CNTN1: variants seen among roughly 807,000 people sequenced by gnomAD.
CNTN1 encodes contactin 1.
A neutral mutation model predicts 126.4 loss-of-function variants in CNTN1; 38 were observed. That is an observed-to-expected ratio of 0.30 (90% CI 0.23 to 0.39). CNTN1 has a LOEUF of 0.39. Among genes scored for constraint, CNTN1 ranks in the 10% least tolerant of loss-of-function variants. CNTN1 has a pLI of 1.00. For missense variants in CNTN1, 1,009 were observed against 1,248.4 expected (o/e 0.81, Z 2.89); for synonymous variants, 413 against 422.6 (o/e 0.98, Z 0.28).
intron 15 of CNTN1, among the ~76,000 whole-genome samples, chr12:40,969,111 C>T (rs368901948): frequency 3.0e-4 from 45 of 152,210 alleles, no homozygotes; most frequent in African/African-American, 8.4e-4. Context: ...AACTTAACGA[C>T]GTAAAATCCC....
intron 1 of CNTN1, among the ~76,000 whole-genome samples, chr12:40,746,401 A>G (rs1007897620): frequency 2.2e-4 from 34 of 152,132 alleles, no homozygotes; most frequent in African/African-American, 7.5e-4. Flanking sequence ...CAGCAATCTC[A>G]ATTCTTGCCT....
intron 3 of CNTN1, among the ~76,000 whole-genome samples, chr12:40,917,325 A>G (rs1945282079): frequency 6.6e-6 from 1 of 152,092 alleles, no homozygotes; most frequent in African/African-American, 2.4e-5. Context: ...AGCTAGGTAC[A>G]TTGCCATCTT....
intron 23 of CNTN1, among the ~76,000 whole-genome samples, chr12:41,032,354 C>A (rs112642209): frequency 7.2e-6 from 1 of 139,174 alleles, no homozygotes; most frequent in African/African-American, 2.8e-5. Context: ...GGCGACAGAG[C>A]GAGACTCCGT....
rs186051425 is a variant in CNTN1, at chr12:40,790,814, T to C, written c.-77+98222T>C. The stretch of plus-strand genomic sequence containing the variant: ...GTTTCTGAAGCCCCTTTAAAAATTC[T>C]TTCCATGTTAAAAAATCCCCCAAAA... On this transcript the variant is annotated intron_variant, in intron 1 of 23. Coordinates refer to ENST00000551295, the MANE Select transcript of CNTN1 (RefSeq NM_001843.4). Among the ~76,000 whole-genome samples the C allele has an allele frequency of 1.3e-3, 200 of 152,268 alleles. 1 individual carries two copies. The highest frequency in any genetic ancestry group is 4.6e-3 in the African/African-American group (190 of 41,572).
intron 1 of CNTN1, among the ~76,000 whole-genome samples, chr12:40,900,037 A>G (rs1317631137): frequency 6.6e-6 from 1 of 152,148 alleles, no homozygotes; most frequent in African/African-American, 2.4e-5. Context: ...AGAGCAATCC[A>G]TGTAATCCCT....
At chr12:40,890,182 AT>A (rs1017385538) in intron 1 of CNTN1, among the ~76,000 whole-genome samples, 19 of 151,992 alleles carry the variant, frequency 1.3e-4, no homozygotes, top group African/African-American at 3.4e-4. Flanking sequence ...TAATTTTGTT[AT>A]TTTTTAATAG....
chr12:40,803,844 G>A (rs1035336302), intron 1 of CNTN1, among the ~76,000 whole-genome samples: 4 of 151,532 alleles, frequency 2.6e-5, no homozygotes, highest in African/African-American at 9.7e-5. Flanking sequence ...GAGAAGATAG[G>A]GGAGATAACT....
Position 40,709,182 on chromosome 12 carries a change from C to T in CNTN1, c.-77+16590C>T, listed in dbSNP as rs534798048. Among the ~76,000 whole-genome samples, 7 of 152,286 alleles carry T rather than the reference C, an allele frequency of 4.6e-5. No homozygotes were observed. In the East Asian group the frequency reaches 1.3e-3, roughly 29 times the overall value. On this transcript the variant is annotated intron_variant, in intron 1 of 23. Coordinates refer to ENST00000551295, the MANE Select transcript of CNTN1 (RefSeq NM_001843.4). ...GGCTGCAGAATGGATGTTATGTTAG[C>T]AGTCATGAAAATAACAGCAGTCTCT...
rs772956424 is a variant in CNTN1 at position 40,959,183 on chromosome 12, G to A, written c.1753G>A (p.Ala585Thr). The change falls in exon 15 of 24, where the codon GCC becomes ACC. Residue 585 changes from alanine to threonine, a missense_variant. Coordinates refer to ENST00000551295, the MANE Select transcript of CNTN1 (RefSeq NM_001843.4). ...LKHAGRYTCT[A>T]QTIVDNSSAS... ...ACATGCTGGAAGATACACATGCACT[G>A]CCCAGACAATTGTGGACAATTCTTC... 6.2e-7 allele frequency: 1 copy of A among 1,612,790 alleles called. No homozygotes were observed. Among genetic ancestry groups the A allele is most frequent in the Non-Finnish European group, 8.5e-7 (1 of 1,179,180 alleles).
In CNTN1 at chr12:41,016,919, A is replaced by G. The variant is rs772016350; in HGVS notation, c.2419+3A>G. 2.8e-5 allele frequency: 45 copies of G among 1,611,112 alleles called. No individual in the cohort carries two copies. The South Asian group carries it at 4.7e-4, about 17-fold the overall frequency. ...AGTCATTAATTCAGCACAAGACGGT[A>G]GGTGAAAGAAAGACCTTCTTACCTG... On this transcript the variant is annotated splice_donor_region_variant and intron_variant, in intron 19 of 23. Coordinates refer to ENST00000551295, the MANE Select transcript of CNTN1 (RefSeq NM_001843.4).
At chr12:40,891,481 C>T (rs914941966) in intron 1 of CNTN1, among the ~76,000 whole-genome samples, 8 of 152,138 alleles carry the variant, frequency 5.3e-5, no homozygotes, top group African/African-American at 1.9e-4. Flanking sequence ...TACCTACTTT[C>T]TCCTAGGTTA....
intron 1 of CNTN1, among the ~76,000 whole-genome samples, chr12:40,802,098 G>A (rs746353130): frequency 4.6e-5 from 7 of 151,926 alleles, no homozygotes; most frequent in Non-Finnish European, 1.0e-4. Context: ...AGGAAGACCA[G>A]ATTTTGGGAA....
intron 4 of CNTN1, among the ~76,000 whole-genome samples, chr12:40,921,479 C>T (rs767333932): frequency 4.6e-5 from 7 of 152,142 alleles, no homozygotes; most frequent in Non-Finnish European, 8.8e-5. Context: ...AAAGTTAGAT[C>T]CCTGTTTCCA....
intron 1 of CNTN1, among the ~76,000 whole-genome samples, chr12:40,884,660 T>C (rs1490283181): frequency 6.6e-6 from 1 of 151,540 alleles, no homozygotes; most frequent in Non-Finnish European, 1.5e-5. Context: ...AAAATATATA[T>C]ACAGCATTAA....
chr12:41,019,306 A>G (rs1299877170), intron 19 of CNTN1, among the ~76,000 whole-genome samples: 1 of 152,242 alleles, frequency 6.6e-6, no homozygotes. Flanking sequence ...ATGCTAAAAT[A>G]AGTTTTCAGG....
At chr12:41,011,316 T>C (rs751410974) in intron 17 of CNTN1, among the ~76,000 whole-genome samples, 4 of 152,230 alleles carry the variant, frequency 2.6e-5, no homozygotes, top group Non-Finnish European at 4.4e-5. Flanking sequence ...AAGAAGGCCA[T>C]GCCCTTGTGC....
At chr12:40,964,525 A>AGTGTGG (rs1947230018) in intron 15 of CNTN1, among the ~76,000 whole-genome samples, 1 of 104,716 alleles carries the variant, frequency 9.5e-6, no homozygotes, top group Non-Finnish European at 2.1e-5. Flanking sequence ...CGTGTAAGTG[A>AGTGTGG]GTGTGTGTGT....
chr12:40,887,506 A>G (rs1424874737), intron 1 of CNTN1, among the ~76,000 whole-genome samples: 1 of 152,208 alleles, frequency 6.6e-6, no homozygotes, highest in East Asian at 1.9e-4. Context: ...TTAAAAAGTC[A>G]GGAAACAACA....
intron 1 of CNTN1, among the ~76,000 whole-genome samples, chr12:40,773,164 T>G (rs1369078478): frequency 2.0e-5 from 3 of 151,714 alleles, no homozygotes; most frequent in Non-Finnish European, 4.4e-5. Flanking sequence ...CACCTTCAAA[T>G]AAGTTTAAAC....
Sources: gnomAD v4.1 joint callset for allele counts (sites outside exome capture counted in the v4.1 genomes callset) on GRCh38, gnomAD v4.1.1 for gene constraint, MANE v1.5 for transcripts, NCBI Gene and HGNC (gene_info 2026-07-23, HGNC 2026-07-21) for gene names.